The following SKOR1 variants were observed in gnomAD, a reference collection of about 807,000 sequenced individuals.
SKOR1 encodes the protein LBX1 corepressor 1.
Under a neutral mutation model 72.4 loss-of-function variants are expected in SKOR1, and 38 were observed. The observed-to-expected ratio is 0.52, with a 90% confidence interval of 0.40 to 0.69. The LOEUF is 0.69. SKOR1 is among the 30% of genes least tolerant of loss of function. The pLI is 0.00. For synonymous variants in SKOR1, 642 were observed against 599.4 expected, an observed-to-expected ratio of 1.07 and a Z score of -1.04; for missense variants, 1,320 against 1,343.2, an observed-to-expected ratio of 0.98 and a Z score of 0.27.
rs748008035 is a variant in SKOR1 at position 67,826,318 on chromosome 15, A to C, written c.490A>C (p.Lys164Gln). 8.7e-6 allele frequency: 14 copies of C among 1,613,534 alleles called. No individual in the cohort carries two copies. The highest frequency in any genetic ancestry group is 1.6e-4 in the Middle Eastern group (1 of 6,062). The change falls in exon 2 of 9, where the codon AAG becomes CAG. Residue 164 changes from lysine to glutamine, a missense_variant. Physicochemically the swap from Lys to Gln is moderately conservative, Grantham distance 53. This residue lies in a region of SKOR1 where 101 missense variants were observed against 212.8 expected (regional missense o/e 0.47). Transcript: ENST00000380035. The part of the protein sequence containing the change: ...ITKREAERLC[K>Q]SFLGEHKPPK... ...TAAGCGAGAGGCCGAACGCCTGTGC[A>C]AGTCGTTCCTGGGCGAGCACAAACC...
At position 67,833,209 on chromosome 15, in the gene SKOR1, C is replaced by G; in HGVS notation, c.2755C>G (p.Leu919Val). ...QIVRDTLCNE[L>V]DQERKARYAI... is the part of the protein sequence containing the mutation. ...TCTTCCAGATACCCTGTGTAACGAA[C>G]TCGACCAGGAGCGGAAGGCGCGCTA... Residue 919 changes from leucine (L) to valine (V), a missense_variant, in exon 8 of 9, where the codon CTC (leucine) becomes GTC (valine). Coordinates refer to ENST00000380035, the MANE Select transcript of SKOR1 (RefSeq NM_001365915.1). This position sits in a 1 kb window ranked among gnomAD's most constrained non-coding sequence, Gnocchi z 6.0. The G allele has an allele frequency of 6.2e-7, 1 of 1,614,084 alleles. No individual in the cohort carries two copies. Among genetic ancestry groups the G allele is most frequent in the East Asian group, 2.2e-5 (1 of 44,874 alleles).
rs1240557273 is a variant in SKOR1 at position 67,827,575 on chromosome 15, C to T, written c.1747C>T (p.Pro583Ser). The T allele has an allele frequency of 1.3e-6, 2 of 1,521,574 alleles. No individual in the cohort carries two copies. Among genetic ancestry groups the T allele is most frequent in the South Asian group, 2.4e-5 (2 of 82,614 alleles). The allele number at this position is 1,521,574 out of a possible 1,614,324, so 94.3% of individuals were successfully genotyped here. A position where few individuals can be genotyped will look rare whatever the true frequency, so the allele number is the denominator to read the frequency against. The change falls in exon 2 of 9, where the codon CCG (proline) becomes TCG (serine). Residue 583 changes from proline (P) to serine (S), a missense_variant. Pro to Ser is a moderately conservative substitution (Grantham distance 74). This residue lies in a region of SKOR1 where 1,099 missense variants were observed against 1,025.5 expected (regional missense o/e 1.07). Transcript: ENST00000380035. ...PPLAPLPPPP[P>S]PPARKGSYVS... ...CCTGGCCCCGTTGCCCCCGCCGCCCCCGCCGCCCGCACGCAAAGGCTCCTA... is the reference window on the plus strand; with the variant it reads ...CCTGGCCCCGTTGCCCCCGCCGCCCTCGCCGCCCGCACGCAAAGGCTCCTA...
In SKOR1 at chr15:67,826,674, A is replaced by G. The variant is rs376110212; in HGVS notation, c.846A>G (p.Leu282=). 6.9e-6 allele frequency: 11 copies of G among 1,593,746 alleles called. No homozygotes were observed. In the African/African-American group the frequency reaches 1.5e-4, roughly 21 times the overall value. Residue 282 remains leucine (L), a synonymous_variant, in exon 2 of 9, where the codon CTA becomes CTG. Transcript: ENST00000380035. ...GCACGCGCAAGCGGACCTTCTCCCT[A>G]CAAGGAGGCGGCGGAGGCGGTGCCA... ...NGGTRKRTFS[L]QGGGGGGANG...
chr15:67,830,104 G>A (rs1040148336), intron 3 of SKOR1, 87 bp from the exon 4 acceptor site: 10 of 1,372,396 alleles, frequency 7.3e-6, no homozygotes, highest in Non-Finnish European at 1.0e-5. Flanking sequence ...TTTAATTAGG[G>A]CTGGGGCGCC....
At position 67,832,987 on chromosome 15, in the gene SKOR1, A is replaced by G. The variant is rs1314383662; in HGVS notation, c.2738-205A>G. On this transcript the variant is annotated intron_variant, in intron 7 of 8. Transcript: ENST00000380035. The surrounding 1 kb of genome is among the most constrained non-coding windows in gnomAD (Gnocchi z 4.5). Reference sequence around the variant, plus strand: ...GCCTAAGTTTGCTTTAATTTTGGTTAGATCCATCTGCCTTTAAGCGCCATC... The same window carrying G: ...GCCTAAGTTTGCTTTAATTTTGGTTGGATCCATCTGCCTTTAAGCGCCATC... The G allele has an allele frequency of 5.2e-5, 32 of 612,348 alleles. No homozygotes were observed. The highest frequency in any genetic ancestry group is 3.2e-5 in the Non-Finnish European group (11 of 348,842). 37.9% of individuals were successfully genotyped at this position (612,348 alleles called of 1,614,324 possible).
Position 67,832,451 on chromosome 15 carries a change from G to T in SKOR1, c.2662+103G>T. 5.8e-6 allele frequency: 8 copies of T among 1,381,832 alleles called. No homozygotes were observed. In the Admixed American group the frequency reaches 1.4e-4, roughly 24 times the overall value. The allele number at this position is 1,381,832 out of a possible 1,614,324, so 85.6% of individuals were successfully genotyped here. Reference sequence around the variant, plus strand: ...GGGTGCCAGGCAACTGGTACTAGGTGCCCTGCAGGAGACAAGAAACTGTCC... The same window carrying T: ...GGGTGCCAGGCAACTGGTACTAGGTTCCCTGCAGGAGACAAGAAACTGTCC... On this transcript the variant is annotated intron_variant, in intron 6 of 8. Transcript: ENST00000380035. This position sits in a 1 kb window ranked among gnomAD's most constrained non-coding sequence, Gnocchi z 4.5.
In SKOR1 at chr15:67,827,982, C is replaced by G; in HGVS notation, c.2154C>G (p.Arg718=). 6.5e-7 allele frequency: 1 copy of G among 1,539,136 alleles called. No homozygotes were observed. The highest frequency in any genetic ancestry group is 1.2e-5 in the South Asian group (1 of 83,510). Residue 718 remains arginine, a synonymous_variant, in exon 2 of 9, where the codon CGC becomes CGG. Transcript: ENST00000380035. The part of the protein sequence containing the change: ...PANSPDGGSP[R]PRRRLGPPPA... ...ACTCTCCCGACGGCGGCAGCCCCCG[C>G]CCCCGGCGCCGCCTCGGGCCACCCC...
Position 67,832,245 on chromosome 15 carries a change from C to T in SKOR1, c.2588-29C>T, listed in dbSNP as rs1472211127. 1.2e-6 allele frequency: 2 copies of T among 1,610,930 alleles called. No individual in the cohort carries two copies. The highest frequency in any genetic ancestry group is 3.3e-5 in the Admixed American group (2 of 59,984). On this transcript the variant is annotated intron_variant, in intron 5 of 8. Transcript: ENST00000380035. This position sits in a 1 kb window ranked among gnomAD's most constrained non-coding sequence, Gnocchi z 4.5. ...CCAAATAACCCTGCTTTACCTCCCA[C>T]TTTACCTCCCACTTTTCCCCTTTCA...
rs754301880 is a variant in SKOR1 at position 67,833,301 on chromosome 15, G to A, written c.2803+44G>A. ...AAAGATAGGAGGGGTGCTGGGTGCC[G>A]GCCGTGCTGTCGACTGAATGAATGA... On this transcript the variant is annotated intron_variant, in intron 8 of 8. Coordinates refer to ENST00000380035, the MANE Select transcript of SKOR1 (RefSeq NM_001365915.1). The surrounding 1 kb of genome is among the most constrained non-coding windows in gnomAD (Gnocchi z 6.0). 3.8e-6 allele frequency: 6 copies of A among 1,597,800 alleles called. No homozygotes were observed. The African/African-American group carries it at 8.0e-5, about 21-fold the overall frequency.
At position 67,833,390 on chromosome 15, in the gene SKOR1, G is replaced by A. The variant is rs1429172272; in HGVS notation, c.2803+133G>A. 2.1e-6 allele frequency: 2 copies of A among 971,846 alleles called. No homozygotes were observed. Among genetic ancestry groups the A allele is most frequent in the South Asian group, 1.4e-5 (1 of 73,094 alleles). The allele number at this position is 971,846 out of a possible 1,614,324, so 60.2% of individuals were successfully genotyped here. ...TCAGGATCTGTGAGGGAGAAAAGTG[G>A]GAACTGATTTTAACGGGAAGATTAT... On this transcript the variant is annotated intron_variant, in intron 8 of 8. Transcript: ENST00000380035. This position sits in a 1 kb window ranked among gnomAD's most constrained non-coding sequence, Gnocchi z 6.0.
Position 67,827,539 on chromosome 15 carries a change from C to G in SKOR1, c.1711C>G (p.Leu571Val), listed in dbSNP as rs1382593597. The G allele has an allele frequency of 7.2e-6, 11 of 1,521,424 alleles. No homozygotes were observed. In the South Asian group the frequency reaches 1.3e-4, roughly 18 times the overall value. The allele number at this position is 1,521,424 out of a possible 1,614,324, so 94.2% of individuals were successfully genotyped here. A position where few individuals can be genotyped will look rare whatever the true frequency, so the allele number is the denominator to read the frequency against. ...PLDEDGTDEA[L>V]PPPLAPLPPP... ...GGACGAAGACGGCACGGACGAGGCG[C>G]TGCCACCGCCCCTGGCCCCGTTGCC... Residue 571 changes from leucine (L) to valine (V), a missense_variant, in exon 2 of 9, where the codon CTG becomes GTG. This residue lies in a region of SKOR1 where 1,099 missense variants were observed against 1,025.5 expected (regional missense o/e 1.07). Transcript: ENST00000380035.
rs2091013958 is a variant in SKOR1 at position 67,832,256 on chromosome 15, A to G, written c.2588-18A>G. 10 of 1,613,278 alleles carry G rather than the reference A, an allele frequency of 6.2e-6. No individual in the cohort carries two copies. The East Asian group carries it at 1.8e-4, about 29-fold the overall frequency. The stretch of plus-strand genomic sequence containing the variant: ...TGCTTTACCTCCCACTTTACCTCCC[A>G]CTTTTCCCCTTTCACAGAGGAATTG... On this transcript the variant is annotated intron_variant, in intron 5 of 8. Coordinates refer to ENST00000380035, the MANE Select transcript of SKOR1 (RefSeq NM_001365915.1). The surrounding 1 kb of genome is among the most constrained non-coding windows in gnomAD (Gnocchi z 4.5).
chr15:67,832,984 G>A lies in SKOR1; in HGVS notation c.2738-208G>A, dbSNP rs928613202. 1 of 611,350 alleles carries A rather than the reference G, an allele frequency of 1.6e-6. No individual in the cohort carries two copies. The highest frequency in any genetic ancestry group is 1.9e-5 in the African/African-American group (1 of 54,016). The allele number at this position is 611,350 out of a possible 1,614,324, so 37.9% of individuals were successfully genotyped here. The stretch of plus-strand genomic sequence containing the variant: ...AATGCCTAAGTTTGCTTTAATTTTG[G>A]TTAGATCCATCTGCCTTTAAGCGCC... On this transcript the variant is annotated intron_variant, in intron 7 of 8. Coordinates refer to ENST00000380035, the MANE Select transcript of SKOR1 (RefSeq NM_001365915.1). The surrounding 1 kb of genome is among the most constrained non-coding windows in gnomAD (Gnocchi z 4.5).
chr15:67,830,942 A>G (rs1272089187), intron 5 of SKOR1, 53 bp downstream of exon 5: 7 of 1,559,754 alleles, frequency 4.5e-6, no homozygotes, highest in Non-Finnish European at 6.2e-6. Flanking sequence ...GTGATGGGTC[A>G]TTCCTGTAGA....
In SKOR1 at chr15:67,826,042, C is replaced by G. The variant is rs1003438833; in HGVS notation, c.214C>G (p.Leu72Val). The G allele has an allele frequency of 3.8e-6, 6 of 1,583,432 alleles. No individual in the cohort carries two copies. Among genetic ancestry groups the G allele is most frequent in the African/African-American group, 2.7e-5 (2 of 74,284 alleles). ...ELQPYSGSSA[L>V]KPNQVGETSL... Reference sequence around the variant, plus strand: ...GCAGCCGTACTCGGGCTCCAGCGCTCTCAAACCCAACCAGGTGGGCGAGAC... The same window carrying G: ...GCAGCCGTACTCGGGCTCCAGCGCTGTCAAACCCAACCAGGTGGGCGAGAC... Residue 72 changes from leucine to valine, a missense_variant, in exon 2 of 9, where the codon CTC (leucine) becomes GTC (valine). By Grantham distance (32) the Leu-to-Val change is conservative. Coordinates refer to ENST00000380035, the MANE Select transcript of SKOR1 (RefSeq NM_001365915.1).
chr15:67,828,929 C>T (rs1597017614), intron 2 of SKOR1, among the ~76,000 whole-genome samples: 2 of 152,230 alleles, frequency 1.3e-5, no homozygotes, highest in South Asian at 2.1e-4. Flanking sequence ...GTGGAGGACA[C>T]TTTGAACGCC....
At chr15:67,830,659 C>T (rs1423472782) in intron 4 of SKOR1, among the ~76,000 whole-genome samples, 159 bp from the exon 5 acceptor site, 2 of 152,138 alleles carry the variant, frequency 1.3e-5, no homozygotes, top group African/African-American at 2.4e-5. Context: ...ACTGTAATGT[C>T]CTAGAAGGTG....
rs929719122 is a variant in SKOR1 at position 67,833,105 on chromosome 15, TG to T, written c.2738-83del. ...GTTGTTTCTGCGCGGAGCTTAGCCCTGGGGAGAGGAGGAAGCCCGGGCTGTG... is the reference window on the plus strand; with the variant it reads ...GTTGTTTCTGCGCGGAGCTTAGCCCTGGGAGAGGAGGAAGCCCGGGCTGTG... On this transcript the variant is annotated intron_variant, in intron 7 of 8. Coordinates refer to ENST00000380035, the MANE Select transcript of SKOR1 (RefSeq NM_001365915.1). This position sits in a 1 kb window ranked among gnomAD's most constrained non-coding sequence, Gnocchi z 6.0. 5.6e-6 allele frequency: 8 copies of T among 1,417,992 alleles called. No homozygotes were observed. The African/African-American group carries it at 1.1e-4, about 20-fold the overall frequency. The allele number at this position is 1,417,992 out of a possible 1,614,324, so 87.8% of individuals were successfully genotyped here.
In SKOR1 at chr15:67,826,024, T is replaced by C; in HGVS notation, c.196T>C (p.Tyr66His). ...CAACTCCAAGCAGGAGCTGCAGCCGTACTCGGGCTCCAGCGCTCTCAAACC... is the reference window on the plus strand; with the variant it reads ...CAACTCCAAGCAGGAGCTGCAGCCGCACTCGGGCTCCAGCGCTCTCAAACC... Reference protein sequence around the residue: ...SPNSKQELQPYSGSSALKPNQ... With the variant: ...SPNSKQELQPHSGSSALKPNQ... Residue 66 changes from tyrosine (Y) to histidine (H), a missense_variant, in exon 2 of 9, where the codon TAC (tyrosine) becomes CAC (histidine). Around this residue, in one of 3 missense-constraint regions of SKOR1, gnomAD observed 120 missense variants for 104.9 expected, o/e 1.14. Coordinates refer to ENST00000380035, the MANE Select transcript of SKOR1 (RefSeq NM_001365915.1). 6.4e-7 allele frequency: 1 copy of C among 1,563,238 alleles called. No individual in the cohort carries two copies. The highest frequency in any genetic ancestry group is 8.7e-7 in the Non-Finnish European group (1 of 1,150,746).
Sources: gnomAD v4.1 joint callset for allele counts (sites outside exome capture counted in the v4.1 genomes callset) on GRCh38, gnomAD v4.1.1 for gene constraint, gnomAD v4.1.1 regional missense constraint, Gnocchi (gnomAD v3.1) non-coding constraint, MANE v1.5 for transcripts, NCBI Gene and HGNC (gene_info 2026-07-23, HGNC 2026-07-21) for gene names.